ZNF780A: variants seen among roughly 807,000 people sequenced by gnomAD.
ZNF780A encodes the protein zinc finger protein 780A.
ZNF780A carries 40 observed loss-of-function variants against 56.7 expected under a neutral mutation model. The observed-to-expected ratio is 0.71, with a 90% confidence interval of 0.55 to 0.92. The LOEUF is 0.92. Among genes scored for constraint, ZNF780A ranks in the 40% least tolerant of loss-of-function variants. ZNF780A has a pLI of 0.00. For missense variants in ZNF780A, 672 were observed against 783.3 expected (o/e 0.86, Z 1.70); for synonymous variants, 231 against 248.3 (o/e 0.93, Z 0.66).
At chr19:40,072,700 A>G, downstream of ZNF780A, 1 of 1,062,532 alleles carries the variant, frequency 9.4e-7, no homozygotes, top group Non-Finnish European at 1.2e-6. Flanking sequence ...GAAATGTTCT[A>G]GGTCAGTGGC....
At position 40,076,726 on chromosome 19, in the gene ZNF780A, C is replaced by A. The variant is rs1191750283; in HGVS notation, c.233-517G>T. On this transcript the variant is annotated intron_variant, in intron 5 of 5. Coordinates refer to ENST00000683561, the MANE Select transcript of ZNF780A (RefSeq NM_001142578.2). ...AAGGTCAGGTCCAGCAGACCCAGCT[C>A]TGTGCCCAAGTCCCCAAGCACACCA... is the stretch of plus-strand genomic sequence containing the variant. Among the ~76,000 whole-genome samples, 3 of 152,116 alleles carry A rather than the reference C, an allele frequency of 2.0e-5. No homozygotes were observed. The East Asian group carries it at 5.8e-4, about 29-fold the overall frequency.
At chr19:40,077,974 T>C (rs1457248886) in intron 5 of ZNF780A, among the ~76,000 whole-genome samples, 2 of 149,794 alleles carry the variant, frequency 1.3e-5, no homozygotes, top group African/African-American at 2.5e-5. Context: ...TGCTATATCC[T>C]AGCAAAAGAA....
At chr19:40,083,495 T>C (rs774684441) in intron 3 of ZNF780A, among the ~76,000 whole-genome samples, 7 of 151,766 alleles carry the variant, frequency 4.6e-5, no homozygotes, top group Non-Finnish European at 7.4e-5. Context: ...TGATATCCCA[T>C]CTCTGCAAAA....
intron 5 of ZNF780A, among the ~76,000 whole-genome samples, chr19:40,080,592 C>T (rs1281539703): frequency 6.6e-6 from 1 of 152,148 alleles, no homozygotes; most frequent in Non-Finnish European, 1.5e-5. Context: ...CCAAATACTA[C>T]ATATTCTCAC....
Position 40,074,435 on chromosome 19 carries a change from C to A in ZNF780A, c.*81G>T. On this transcript the variant is annotated 3_prime_UTR_variant, in exon 6 of 6. Coordinates refer to ENST00000683561, the MANE Select transcript of ZNF780A (RefSeq NM_001142578.2). ...GCCTTTCCCACACCCCTTACATTCACATGGTTTTACACCAGCACGAATACT... is the reference window on the plus strand; with the variant it reads ...GCCTTTCCCACACCCCTTACATTCAAATGGTTTTACACCAGCACGAATACT... 1 of 1,571,526 alleles carries A rather than the reference C, an allele frequency of 6.4e-7. No homozygotes were observed. Among genetic ancestry groups the A allele is most frequent in the South Asian group, 1.2e-5 (1 of 82,756 alleles).
rs373845710 is a variant in ZNF780A, at chr19:40,084,162, GCCT to G, written c.9+580_9+582del. On this transcript the variant is annotated intron_variant, in intron 3 of 5. Transcript: ENST00000683561. ...CTCAAGTGATCCACCACCCACCTCG[GCCT>G]CCCAAAGTGCTGGGATTGCACGCGT... 3.9e-3 allele frequency among the ~76,000 whole-genome samples: 588 copies of G among 152,126 alleles called. 4 individuals are homozygous for G. Among genetic ancestry groups the G allele is most frequent in the South Asian group, 0.032 (153 of 4,820 alleles).
chr19:40,074,773 A>C lies in ZNF780A; in HGVS notation c.1669T>G (p.Phe557Val), dbSNP rs543727373. The C allele has an allele frequency of 2.1e-5, 34 of 1,614,144 alleles. No homozygotes were observed. The highest frequency in any genetic ancestry group is 1.0e-4 in the Admixed American group (6 of 60,028). Residue 557 changes from phenylalanine (F) to valine (V), a missense_variant, in exon 6 of 6, where the codon TTT becomes GTT. Phe to Val is a conservative substitution (Grantham distance 50, BLOSUM62 -1). Coordinates refer to ENST00000683561, the MANE Select transcript of ZNF780A (RefSeq NM_001142578.2). ...HRSIHTGKKP[F>V]ECKECGKAFR... ...GCTTTCCCACATTCCTTACATTCAA[A>C]GGGTTTCTTTCCAGTATGAATACTT...
rs116653902 is a variant in ZNF780A at position 40,073,663 on chromosome 19, C to T, written c.*853G>A. 1.2e-3 allele frequency: 1,147 copies of T among 986,014 alleles called. 10 individuals carry two copies. In the African/African-American group the frequency reaches 0.018, roughly 16 times the overall value. 61.1% of individuals were successfully genotyped at this position (986,014 alleles called of 1,614,324 possible). A position where few individuals can be genotyped will look rare whatever the true frequency, so the allele number is the denominator to read the frequency against. The stretch of plus-strand genomic sequence containing the variant: ...GTATTTAGTGTGGCTATAAAACGCC[C>T]CACATTCCTTACACTCAAAGATTTC... On this transcript the variant is annotated 3_prime_UTR_variant, in exon 6 of 6. Coordinates refer to ENST00000683561, the MANE Select transcript of ZNF780A (RefSeq NM_001142578.2).
At position 40,074,905 on chromosome 19, in the gene ZNF780A, A is replaced by G. The variant is rs778053073; in HGVS notation, c.1537T>C (p.Tyr513His). The change falls in exon 6 of 6, where the codon TAC (tyrosine) becomes CAC (histidine). Residue 513 changes from tyrosine to histidine, a missense_variant. By Grantham distance (83) the Tyr-to-His change is moderately conservative. Transcript: ENST00000683561. Reference protein sequence around the residue: ...CKECGKAFRLYLQLSQHQKTH... With the variant: ...CKECGKAFRLHLQLSQHQKTH... ...TTCTGATGTTGGGAAAGTTGTAGGT[A>G]AAGTCTAAAAGCCTTCCCACACTCC... is the stretch of plus-strand genomic sequence containing the variant. The G allele has an allele frequency of 4.3e-6, 7 of 1,612,784 alleles. No individual in the cohort carries two copies. The highest frequency in any genetic ancestry group is 4.5e-5 in the East Asian group (2 of 44,686).
rs200558980 is a variant in ZNF780A at position 40,076,258 on chromosome 19, A to T, written c.233-49T>A. The T allele has an allele frequency of 9.4e-6, 14 of 1,493,590 alleles. No homozygotes were observed. The South Asian group carries it at 2.0e-4, about 21-fold the overall frequency. The allele number at this position is 1,493,590 out of a possible 1,614,324, so 92.5% of individuals were successfully genotyped here. A position where few individuals can be genotyped will look rare whatever the true frequency, so the allele number is the denominator to read the frequency against. ...CCTATTTTATTTTCGTATAACACAC[A>T]TGCATACAAAGTCCTTTTGTCAACT... On this transcript the variant is annotated intron_variant, in intron 5 of 5. Coordinates refer to ENST00000683561, the MANE Select transcript of ZNF780A (RefSeq NM_001142578.2).
At position 40,074,575 on chromosome 19, in the gene ZNF780A, T is replaced by G. The variant is rs762233510; in HGVS notation, c.1867A>C (p.Ser623Arg). The G allele has an allele frequency of 6.2e-7, 1 of 1,614,078 alleles. No homozygotes were observed. The highest frequency in any genetic ancestry group is 8.5e-7 in the Non-Finnish European group (1 of 1,179,980). The change falls in exon 6 of 6, where the codon AGT (serine) becomes CGT (arginine). Residue 623 changes from serine (S) to arginine (R), a missense_variant. Ser to Arg is a moderately radical substitution (Grantham distance 110). Coordinates refer to ENST00000683561, the MANE Select transcript of ZNF780A (RefSeq NM_001142578.2). ...TGGCGATTAAGCTGGGTGGGAAGACTAAAAACCTTTCCACATTCCTTACAT... is the reference window on the plus strand; with the variant it reads ...TGGCGATTAAGCTGGGTGGGAAGACGAAAAACCTTTCCACATTCCTTACAT... ...FECKECGKVF[S>R]LPTQLNRHKN...
At chr19:40,087,899 T>C (rs577737611) in intron 2 of ZNF780A, among the ~76,000 whole-genome samples, 1 of 152,148 alleles carries the variant, frequency 6.6e-6, no homozygotes, top group South Asian at 2.1e-4. Context: ...ACCAAGAACA[T>C]ACAATGGGGA....
rs1034333704 is a variant in ZNF780A at position 40,081,798 on chromosome 19, G to A, written c.232+21C>T. The A allele has an allele frequency of 3.2e-5, 51 of 1,589,846 alleles. 1 individual carries two copies. In the East Asian group the frequency reaches 3.4e-4, roughly 11 times the overall value. ...TCCAGGACAATGATGGCTTCCCCCC[G>A]CCTGCTTTACCCTCACTTACCTGGA... On this transcript the variant is annotated intron_variant, in intron 5 of 5. Coordinates refer to ENST00000683561, the MANE Select transcript of ZNF780A (RefSeq NM_001142578.2).
intron 2 of ZNF780A, among the ~76,000 whole-genome samples, chr19:40,087,037 G>A (rs936544529): frequency 3.3e-5 from 5 of 152,014 alleles, no homozygotes; most frequent in African/African-American, 1.2e-4. Flanking sequence ...ATTGTTCATA[G>A]CATGAATATT....
chr19:40,085,338 T>A, intron 2 of ZNF780A: 1 of 985,456 alleles, frequency 1.0e-6, no homozygotes, highest in Non-Finnish European at 1.2e-6. Flanking sequence ...AAAAGCCAGT[T>A]GGTTAATACA....
rs761543916 is a variant in ZNF780A at position 40,075,323 on chromosome 19, G to A, written c.1119C>T (p.Leu373=). ...CRECGKAFSL[L]NQLNRHKNIH... ...TGTTCTTATGGCGATTAAGCTGGTT[G>A]AGAAGACTAAAGGCCTTCCCACATT... is the stretch of plus-strand genomic sequence containing the variant. The change falls in exon 6 of 6, where the codon CTC becomes CTT. Residue 373 remains leucine, a synonymous_variant. Transcript: ENST00000683561. The A allele has an allele frequency of 1.9e-6, 3 of 1,613,272 alleles. No individual in the cohort carries two copies. In the East Asian group the frequency reaches 6.7e-5, roughly 36 times the overall value.
chr19:40,088,389 C>G (rs1017990635), intron 2 of ZNF780A, among the ~76,000 whole-genome samples: 5 of 151,978 alleles, frequency 3.3e-5, no homozygotes, highest in African/African-American at 1.2e-4. Flanking sequence ...ATATAAATGG[C>G]CAACAGTTTA....
chr19:40,079,108 A>G (rs1425644216), intron 5 of ZNF780A, among the ~76,000 whole-genome samples: 1 of 152,172 alleles, frequency 6.6e-6, no homozygotes, highest in African/African-American at 2.4e-5. Flanking sequence ...TCTCACTGGT[A>G]AAGACATATA....
At chr19:40,089,877 T>G (rs1261713546) in intron 2 of ZNF780A, among the ~76,000 whole-genome samples, 7 of 152,204 alleles carry the variant, frequency 4.6e-5, no homozygotes, top group Admixed American at 1.3e-4. Flanking sequence ...TGATGTCTAG[T>G]GTGTGATTCC....
Sources: gnomAD v4.1 joint callset for allele counts (sites outside exome capture counted in the v4.1 genomes callset) on GRCh38, gnomAD v4.1.1 for gene constraint, MANE v1.5 for transcripts, NCBI Gene and HGNC (gene_info 2026-07-23, HGNC 2026-07-21) for gene names.